SDR42E1: variants seen among roughly 807,000 people sequenced by gnomAD.
The protein encoded by SDR42E1 is short-chain dehydrogenase/reductase family 42E member 1.
Under a neutral mutation model 2.6 loss-of-function variants are expected in SDR42E1, and 5 were observed. The observed-to-expected ratio is 1.94, with a 90% CI of 1.01 to 4.08. The LOEUF is 4.08. SDR42E1 is among the 30% of genes most tolerant of loss of function. SDR42E1 has a pLI of 0.00. For missense variants in SDR42E1, 596 were observed against 478.6 expected, an observed-to-expected ratio of 1.25 and a Z score of -2.29; for synonymous variants, 231 against 188.3, an observed-to-expected ratio of 1.23 and a Z score of -1.86.
At position 81,993,626 on chromosome 16, in the gene SDR42E1, G is replaced by T. The variant is rs1912477223; in HGVS notation, c.*5485C>A. On this transcript the variant is annotated 3_prime_UTR_variant, in exon 3 of 3. Coordinates refer to ENST00000328945, the MANE Select transcript of SDR42E1 (RefSeq NM_145168.3). ...TCAGGTGTAAAAGAAGCAATAACTGGGGAATCAGCTGTAATTTCAGATAAG... is the reference window on the plus strand; with the variant it reads ...TCAGGTGTAAAAGAAGCAATAACTGTGGAATCAGCTGTAATTTCAGATAAG... 6.6e-6 allele frequency: 1 copy of T among 152,076 alleles called. No homozygotes were observed. The highest frequency in any genetic ancestry group is 1.5e-5 in the Non-Finnish European group (1 of 68,044). 9.4% of individuals were successfully genotyped at this position (152,076 alleles called of 1,614,324 possible).
Position 81,991,216 on chromosome 16 carries a change from C to G in SDR42E1, c.*7895G>C, listed in dbSNP as rs1298468965. The stretch of plus-strand genomic sequence containing the variant: ...GGAATTCCAGTAGATTAACAGCACC[C>G]CCCGCCCACACACCTCAGCTCTACG... On this transcript the variant is annotated 3_prime_UTR_variant, in exon 3 of 3. Transcript: ENST00000328945. 6.6e-6 allele frequency: 1 copy of G among 152,170 alleles called. No homozygotes were observed. Among genetic ancestry groups the G allele is most frequent in the African/African-American group, 2.4e-5 (1 of 41,424 alleles). The allele number at this position is 152,170 out of a possible 1,614,324, so 9.4% of individuals were successfully genotyped here. A position where few individuals can be genotyped will look rare whatever the true frequency, so the allele number is the denominator to read the frequency against.
chr16:82,001,857 G>A (rs1325749459), intron 1 of SDR42E1, among the ~76,000 whole-genome samples: 4 of 149,136 alleles, frequency 2.7e-5, no homozygotes, highest in Admixed American at 1.3e-4. Flanking sequence ...AGCGAAGATC[G>A]CGCCACTGCA....
rs181648953 is a variant in SDR42E1 at position 82,009,812 on chromosome 16, C to T, written c.-27+1575G>A. On this transcript the variant is annotated intron_variant, in intron 1 of 2. Transcript: ENST00000328945. Reference sequence around the variant, plus strand: ...CATGAGATTTGGGAGGGGCCAGGGGCGGAATGATATGGTTTGGCTGTGTCT... The same window carrying T: ...CATGAGATTTGGGAGGGGCCAGGGGTGGAATGATATGGTTTGGCTGTGTCT... Among the ~76,000 whole-genome samples, 211 of 152,148 alleles carry T rather than the reference C, an allele frequency of 1.4e-3. 2 individuals carry two copies. The highest frequency in any genetic ancestry group is 4.8e-3 in the African/African-American group (198 of 41,486).
chr16:82,000,439 C>A, intron 2 of SDR42E1: 1 of 695,834 alleles, frequency 1.4e-6, no homozygotes, highest in Non-Finnish European at 2.6e-6. Flanking sequence ...AAGAGAGAGG[C>A]CTTATCTTCA....
chr16:82,007,132 G>C (rs1208720574), intron 1 of SDR42E1, among the ~76,000 whole-genome samples: 1 of 152,216 alleles, frequency 6.6e-6, no homozygotes, highest in Non-Finnish European at 1.5e-5. Flanking sequence ...TGTGAGTACA[G>C]ACTGGCAATA....
At chr16:82,002,139 A>G (rs544202465) in intron 1 of SDR42E1, among the ~76,000 whole-genome samples, 1 of 152,278 alleles carries the variant, frequency 6.6e-6, no homozygotes, top group Admixed American at 6.5e-5. Flanking sequence ...TCAACATGGA[A>G]GAGTGTGGAG....
intron 2 of SDR42E1, 40 bp downstream of exon 2, chr16:82,000,751 G>A (rs765168343): frequency 3.4e-6 from 5 of 1,457,356 alleles, no homozygotes; most frequent in Non-Finnish European, 4.8e-6. Context: ...GCAACTACCA[G>A]TAAAATAATT....
In SDR42E1 at chr16:82,009,138, T is replaced by C. The variant is rs1038930811; in HGVS notation, c.-27+2249A>G. Among the ~76,000 whole-genome samples, 7 of 152,318 alleles carry C rather than the reference T, an allele frequency of 4.6e-5. 1 individual carries two copies. The highest frequency in any genetic ancestry group is 3.9e-4 in the Admixed American group (6 of 15,304). On this transcript the variant is annotated intron_variant, in intron 1 of 2. Coordinates refer to ENST00000328945, the MANE Select transcript of SDR42E1 (RefSeq NM_145168.3). ...GTTTCAGAGGATGTATGGAAACTCC[T>C]GGATGTCCAGGCAGAAGTTGGCTGC...
chr16:82,010,430 T>C (rs1446170073), intron 1 of SDR42E1, among the ~76,000 whole-genome samples: 1 of 152,206 alleles, frequency 6.6e-6, no homozygotes, highest in African/African-American at 2.4e-5. Flanking sequence ...TAGGTCATTA[T>C]CTTATCACTG....
At chr16:82,000,734 G>T in intron 2 of SDR42E1, 57 bp downstream of exon 2, 1 of 1,286,668 alleles carries the variant, frequency 7.8e-7, no homozygotes, top group Non-Finnish European at 1.1e-6. Flanking sequence ...AGAGTTGAAT[G>T]CTTCTGGCAA....
chr16:82,004,973 C>G (rs1912888059), intron 1 of SDR42E1, among the ~76,000 whole-genome samples: 1 of 152,196 alleles, frequency 6.6e-6, no homozygotes, highest in Non-Finnish European at 1.5e-5. Flanking sequence ...ATGTTCTTGT[C>G]TGGTTGAAAG....
chr16:81,990,340 T>A lies in SDR42E1; in HGVS notation c.*8771A>T, dbSNP rs573732776. On this transcript the variant is annotated 3_prime_UTR_variant, in exon 3 of 3. Transcript: ENST00000328945. The stretch of plus-strand genomic sequence containing the variant: ...AAGCCACGGTAAATAAACTAATACC[T>A]GTTATATGGCAGGAAATCAATGAAA... The A allele has an allele frequency of 6.6e-6, 1 of 152,324 alleles. No individual in the cohort carries two copies. The highest frequency in any genetic ancestry group is 2.1e-4 in the South Asian group (1 of 4,832). The allele number at this position is 152,324 out of a possible 1,614,324, so 9.4% of individuals were successfully genotyped here. A position where few individuals can be genotyped will look rare whatever the true frequency, so the allele number is the denominator to read the frequency against.
At position 81,990,000 on chromosome 16, in the gene SDR42E1, AACAG is replaced by A. The variant is rs1164179876; in HGVS notation, c.*9107_*9110del. On this transcript the variant is annotated 3_prime_UTR_variant, in exon 3 of 3. Transcript: ENST00000328945. ...GCCACAAGACCAAAACTCCGTCTGA[AACAG>A]ACAAACAAACAAAAAAAACATGGTA... is the stretch of plus-strand genomic sequence containing the variant. The A allele has an allele frequency of 6.6e-6, 1 of 152,412 alleles. No individual in the cohort carries two copies. The highest frequency in any genetic ancestry group is 1.5e-5 in the Non-Finnish European group (1 of 68,252). The allele number at this position is 152,412 out of a possible 1,614,324, so 9.4% of individuals were successfully genotyped here.
rs1414492262 is a variant in SDR42E1, at chr16:81,995,697, T to C, written c.*3414A>G. 2.0e-5 allele frequency: 3 copies of C among 152,206 alleles called. No homozygotes were observed. The highest frequency in any genetic ancestry group is 3.9e-4 in the East Asian group (2 of 5,190). 9.4% of individuals were successfully genotyped at this position (152,206 alleles called of 1,614,324 possible). A position where few individuals can be genotyped will look rare whatever the true frequency, so the allele number is the denominator to read the frequency against. On this transcript the variant is annotated 3_prime_UTR_variant, in exon 3 of 3. Coordinates refer to ENST00000328945, the MANE Select transcript of SDR42E1 (RefSeq NM_145168.3). ...TGTGCTAGAAAAGAGTGTTCATCCA[T>C]AGCAGATGGGAAAACAGCATTCATT... is the stretch of plus-strand genomic sequence containing the variant.
chr16:82,010,699 C>T (rs1425620381), intron 1 of SDR42E1, among the ~76,000 whole-genome samples: 1 of 152,200 alleles, frequency 6.6e-6, no homozygotes, highest in Non-Finnish European at 1.5e-5. Flanking sequence ...AAAACATGTT[C>T]ATCTTACATC....
In SDR42E1 at chr16:81,998,125, C is replaced by T. The variant is rs527397084; in HGVS notation, c.*986G>A. On this transcript the variant is annotated 3_prime_UTR_variant, in exon 3 of 3. Transcript: ENST00000328945. ...CAGTGCTGCCATTGTTCAATACATT[C>T]CTCATTGGAAGCTGTCTTCAGAGAG... is the stretch of plus-strand genomic sequence containing the variant. The T allele has an allele frequency of 2.6e-5, 4 of 152,318 alleles. No individual in the cohort carries two copies. The South Asian group carries it at 8.3e-4, about 32-fold the overall frequency. 9.4% of individuals were successfully genotyped at this position (152,318 alleles called of 1,614,324 possible).
Position 81,989,324 on chromosome 16 carries a change from C to T in SDR42E1, c.*9787G>A, listed in dbSNP as rs1464893227. ...TGGGAGACAGTAGTATGGGGAAAGA[C>T]ATGAACACCACAGCCCTGTTTTCTA... On this transcript the variant is annotated 3_prime_UTR_variant, in exon 3 of 3. Coordinates refer to ENST00000328945, the MANE Select transcript of SDR42E1 (RefSeq NM_145168.3). The T allele has an allele frequency of 6.6e-6, 1 of 152,174 alleles. No individual in the cohort carries two copies. Among genetic ancestry groups the T allele is most frequent in the African/African-American group, 2.4e-5 (1 of 41,438 alleles). The allele number at this position is 152,174 out of a possible 1,614,324, so 9.4% of individuals were successfully genotyped here.
Position 81,990,400 on chromosome 16 carries a change from G to C in SDR42E1, c.*8711C>G, listed in dbSNP as rs971086006. 6.6e-6 allele frequency: 1 copy of C among 152,234 alleles called. No homozygotes were observed. The highest frequency in any genetic ancestry group is 2.4e-5 in the African/African-American group (1 of 41,454). 9.4% of individuals were successfully genotyped at this position (152,234 alleles called of 1,614,324 possible). The stretch of plus-strand genomic sequence containing the variant: ...TGAACCATCTCTACCCGCATATGCA[G>C]TTGTTTTTTTCAAACTACAGTCTTA... On this transcript the variant is annotated 3_prime_UTR_variant, in exon 3 of 3. Transcript: ENST00000328945.
chr16:82,011,422 C>T lies in SDR42E1; in HGVS notation c.-62G>A, dbSNP rs1169330124. 6.6e-6 allele frequency: 1 copy of T among 152,558 alleles called. No individual in the cohort carries two copies. Among genetic ancestry groups the T allele is most frequent in the Admixed American group, 6.5e-5 (1 of 15,298 alleles). The allele number at this position is 152,558 out of a possible 1,614,324, so 9.5% of individuals were successfully genotyped here. ...ACAAGGGCGCGGCAGACGGCTACAG[C>T]AGGCAGAGAGGCCCAGGCCTCCTAG... On this transcript the variant is annotated 5_prime_UTR_variant, in exon 1 of 3. Coordinates refer to ENST00000328945, the MANE Select transcript of SDR42E1 (RefSeq NM_145168.3).
Sources: gnomAD v4.1 joint callset for allele counts (sites outside exome capture counted in the v4.1 genomes callset) on GRCh38, gnomAD v4.1.1 for gene constraint, MANE v1.5 for transcripts, NCBI Gene and HGNC (gene_info 2026-07-23, HGNC 2026-07-21) for gene names.